The following ZNF469 variants were observed in gnomAD, a reference collection of about 807,000 sequenced individuals.
ZNF469 encodes zinc finger protein 469.
A neutral mutation model predicts 1.0 loss-of-function variants in ZNF469; 1 was observed. That is an observed-to-expected ratio of 1.00 (90% CI 0.35 to 4.73). The LOEUF (loss-of-function observed/expected upper bound fraction) is 4.73. Among genes scored for constraint, ZNF469 ranks in the 30% most tolerant of loss-of-function variants. The probability of loss-of-function intolerance (pLI) is 0.16; values close to 1 mark genes in which losing one functional copy is unlikely to be tolerated. For missense variants in ZNF469, 6,100 were observed against 5,356.3 expected, an observed-to-expected ratio of 1.14 and a Z score of -4.33; for synonymous variants, 2,703 against 2,363.4, an observed-to-expected ratio of 1.14 and a Z score of -4.17.
In ZNF469 at chr16:88,427,947, A is replaced by G. The variant is rs2142297434; in HGVS notation, c.477A>G (p.Gly159=). Residue 159 remains glycine (G), a synonymous_variant, in exon 3 of 3, where the codon GGA becomes GGG. Coordinates refer to ENST00000565624, the MANE Select transcript of ZNF469 (RefSeq NM_001367624.2). ...EVDTPQGPGT[G]APLRPGLPRT... Reference sequence around the variant, plus strand: ...ACACCCCCCAGGGCCCTGGGACTGGAGCTCCACTCAGGCCGGGCCTCCCAA... The same window carrying G: ...ACACCCCCCAGGGCCCTGGGACTGGGGCTCCACTCAGGCCGGGCCTCCCAA... The G allele has an allele frequency of 1.2e-5, 18 of 1,549,818 alleles. No homozygotes were observed. The highest frequency in any genetic ancestry group is 1.6e-5 in the Non-Finnish European group (18 of 1,146,824).
chr16:88,123,849 G>C, the ZNF469 span, among the ~76,000 whole-genome samples: 2 of 152,138 alleles, frequency 1.3e-5, no homozygotes, highest in Non-Finnish European at 2.9e-5. Context: ...TGTTGCCCAG[G>C]CTGGAGTGCA....
intron 2 of ZNF469, among the ~76,000 whole-genome samples, chr16:88,425,663 C>T (rs1389642907): frequency 6.6e-6 from 1 of 152,254 alleles, no homozygotes; most frequent in African/African-American, 2.4e-5. Context: ...CAGGAAAGTG[C>T]TCAGACGCCC....
intron 1 of ZNF469, among the ~76,000 whole-genome samples, chr16:88,401,229 G>C (rs980279554): frequency 6.6e-6 from 1 of 152,262 alleles, no homozygotes; most frequent in Admixed American, 6.5e-5. Context: ...GGTATGCAGA[G>C]CAGTAGAAGA....
chr16:88,403,356 G>T (rs1904937155), intron 1 of ZNF469, among the ~76,000 whole-genome samples: 1 of 152,238 alleles, frequency 6.6e-6, no homozygotes, highest in African/African-American at 2.4e-5. Flanking sequence ...GGGTTTGGTG[G>T]CTCTGGGTTC....
At chr16:88,196,550 C>T in the ZNF469 span, among the ~76,000 whole-genome samples, 47 of 152,188 alleles carry the variant, frequency 3.1e-4, no homozygotes, top group Non-Finnish European at 4.6e-4. Context: ...CCCCTCCAGC[C>T]ACTCCATTGA....
chr16:88,386,636 T>G (rs2092537317), intron 1 of ZNF469, among the ~76,000 whole-genome samples: 1 of 152,172 alleles, frequency 6.6e-6, no homozygotes, highest in South Asian at 2.1e-4. Flanking sequence ...CCTCTAGTGA[T>G]TCCTTTCCAG....
At chr16:88,134,958 G>C in the ZNF469 span, among the ~76,000 whole-genome samples, 2 of 152,320 alleles carry the variant, frequency 1.3e-5, no homozygotes, top group African/African-American at 2.4e-5. Context: ...TTTCATCAGA[G>C]TTTTCATCTT....
chr16:88,182,980 CAA>C, the ZNF469 span, among the ~76,000 whole-genome samples: 1 of 152,142 alleles, frequency 6.6e-6, no homozygotes, highest in Non-Finnish European at 1.5e-5. Context: ...AAATTATTTA[CAA>C]AACACATTTC....
At chr16:88,131,477 T>G in the ZNF469 span, among the ~76,000 whole-genome samples, 81,829 of 102,006 alleles carry the variant, frequency 0.8, 31,578 homozygotes, top group Non-Finnish European at 0.84. Context: ...TCCCTTCCCG[T>G]GGCCTGTTGT....
the ZNF469 span, among the ~76,000 whole-genome samples, chr16:88,243,952 A>ATATATATATAT: frequency 8.3e-6 from 1 of 121,202 alleles, no homozygotes; most frequent in Non-Finnish European, 1.7e-5. Context: ...ATATATATAT[A>ATATATATATAT]AATGTATGTG....
chr16:88,283,418 G>A, the ZNF469 span, among the ~76,000 whole-genome samples: 1 of 152,132 alleles, frequency 6.6e-6, no homozygotes, highest in African/African-American at 2.4e-5. Context: ...AAAATAAGAC[G>A]AATGAATGAA....
chr16:88,413,862 G>A (rs1597198824), intron 1 of ZNF469, among the ~76,000 whole-genome samples: 1 of 152,246 alleles, frequency 6.6e-6, no homozygotes, highest in Non-Finnish European at 1.5e-5. Flanking sequence ...CCAGGGCTGT[G>A]TGAGTGTGGT....
the ZNF469 span, among the ~76,000 whole-genome samples, chr16:88,182,875 G>C: frequency 6.6e-6 from 1 of 152,036 alleles, no homozygotes; most frequent in Admixed American, 6.6e-5. Context: ...AACCCTAAAA[G>C]AAAAAACTGA....
chr16:88,143,128 C>A, the ZNF469 span, among the ~76,000 whole-genome samples: 3 of 152,136 alleles, frequency 2.0e-5, no homozygotes, highest in Non-Finnish European at 4.4e-5. Flanking sequence ...CCTGGAGAAG[C>A]CCTGGGGGGG....
At chr16:88,125,299 C>A in the ZNF469 span, among the ~76,000 whole-genome samples, 1 of 152,116 alleles carries the variant, frequency 6.6e-6, no homozygotes. Flanking sequence ...TAAATTTGTT[C>A]TTTTCAAAAT....
the ZNF469 span, among the ~76,000 whole-genome samples, chr16:88,261,115 C>G: frequency 6.6e-6 from 1 of 152,192 alleles, no homozygotes; most frequent in Non-Finnish European, 1.5e-5. This position sits in a 1 kb window ranked among gnomAD's most constrained non-coding sequence, Gnocchi z 6.0. Flanking sequence ...CACGCTGCCA[C>G]TATCCCAGGA....
the ZNF469 span, among the ~76,000 whole-genome samples, chr16:88,104,039 C>T: frequency 2.6e-5 from 4 of 151,998 alleles, no homozygotes; most frequent in African/African-American, 9.7e-5. Flanking sequence ...TCTGCTGTGC[C>T]CCAGGTGGTT....
At chr16:88,248,333 T>C in the ZNF469 span, among the ~76,000 whole-genome samples, 1 of 152,218 alleles carries the variant, frequency 6.6e-6, no homozygotes, top group Non-Finnish European at 1.5e-5. Context: ...AATGGATCCG[T>C]GTCTTTGATA....
chr16:88,404,368 C>T lies in ZNF469; in HGVS notation c.-191-20439C>T, dbSNP rs570905621. 1.1e-4 allele frequency among the ~76,000 whole-genome samples: 17 copies of T among 152,336 alleles called. No homozygotes were observed. The South Asian group carries it at 2.5e-3, about 22-fold the overall frequency. ...GGCCCGGCAGACTGGCCCTGGGCGG[C>T]GCCGGCGGTGCGTGTGCTGTTAGTG... On this transcript the variant is annotated intron_variant, in intron 1 of 2. Coordinates refer to ENST00000565624, the MANE Select transcript of ZNF469 (RefSeq NM_001367624.2).
Sources: allele counts gnomAD v4.1 joint callset (sites outside exome capture counted in the v4.1 genomes callset), GRCh38; gene constraint gnomAD v4.1.1; non-coding constraint Gnocchi (gnomAD v3.1); transcripts MANE v1.5; gene names NCBI Gene and HGNC (gene_info 2026-07-23, HGNC 2026-07-21).